The following CNKSR2 variants were observed in gnomAD, a reference collection of about 807,000 sequenced individuals.
CNKSR2 encodes connector enhancer of kinase suppressor of Ras 2, also known as CNK homolog protein 2.
A neutral mutation model predicts 84.4 loss-of-function variants in CNKSR2; 14 were observed. The ratio of observed to expected loss-of-function variants is 0.17; its 90% CI spans 0.11 to 0.26. The LOEUF (loss-of-function observed/expected upper bound fraction) is 0.26. Ranked by LOEUF, CNKSR2 falls within the 10% of genes least tolerant of loss-of-function variation. CNKSR2 has a pLI of 1.00. For synonymous variants in CNKSR2, 275 were observed against 277.9 expected (o/e 0.99, Z 0.10); for missense variants, 485 against 771.2 (o/e 0.63, Z 4.40).
At chrX:21,488,879 A>G (rs2091413795) in intron 5 of CNKSR2, among the ~76,000 whole-genome samples, 1 of 110,815 alleles carries the variant, frequency 9.0e-6, no homozygotes, top group Non-Finnish European at 1.9e-5. Context: ...CCTCCCTCAC[A>G]ATTTGCCCAC....
intron 9 of CNKSR2, 78 bp downstream of exon 9, chrX:21,516,709 C>T (rs2091731081): frequency 2.2e-6 from 2 of 918,560 alleles, no homozygotes; most frequent in South Asian, 2.3e-5. Flanking sequence ...TATTGTGCCT[C>T]ATCTCAGCAG....
chrX:21,577,942 A>G (rs1224206848), intron 13 of CNKSR2, among the ~76,000 whole-genome samples: 1 of 111,457 alleles, frequency 9.0e-6, no homozygotes, highest in Non-Finnish European at 1.9e-5. Flanking sequence ...ATAATTTATT[A>G]CTGTTAGATT....
chrX:21,464,848 T>C (rs1014641579), intron 4 of CNKSR2, among the ~76,000 whole-genome samples: 1 of 112,745 alleles, frequency 8.9e-6, no homozygotes, highest in Non-Finnish European at 1.9e-5. Context: ...TAAATTGTTA[T>C]AGAAAAATTG....
intron 5 of CNKSR2, among the ~76,000 whole-genome samples, chrX:21,489,270 C>T (rs964139033): frequency 9.0e-6 from 1 of 111,233 alleles, no homozygotes; most frequent in Non-Finnish European, 1.9e-5. Context: ...CGGGCGTGTC[C>T]TTAACCTTGG....
At chrX:21,401,778 G>C (rs893950664) in intron 1 of CNKSR2, among the ~76,000 whole-genome samples, 1 of 111,553 alleles carries the variant, frequency 9.0e-6, no homozygotes, top group African/African-American at 3.2e-5. Context: ...CTTTGATCCT[G>C]GGAAACTTCT....
intron 3 of CNKSR2, among the ~76,000 whole-genome samples, chrX:21,439,774 C>T (rs920209634): frequency 1.8e-5 from 2 of 110,370 alleles, no homozygotes; most frequent in Non-Finnish European, 3.8e-5. Flanking sequence ...GTGAATATTA[C>T]CTAGAAACGC....
At chrX:21,586,563 T>C (rs146201850) in intron 13 of CNKSR2, among the ~76,000 whole-genome samples, 319 of 111,448 alleles carry the variant, frequency 2.9e-3, no homozygotes, top group African/African-American at 9.3e-3. Context: ...TTCCAAAGCG[T>C]CTAGAGAAAA....
At chrX:21,596,163 A>G (rs1216096355) in intron 17 of CNKSR2, among the ~76,000 whole-genome samples, 4 of 111,647 alleles carry the variant, frequency 3.6e-5, no homozygotes, top group Non-Finnish European at 7.5e-5. Flanking sequence ...CAGACTCTCT[A>G]AATCCCAGCT....
chrX:21,505,884 A>G (rs2091607632), intron 8 of CNKSR2: 1 of 111,243 alleles, frequency 9.0e-6, no homozygotes, highest in Non-Finnish European at 1.9e-5. Flanking sequence ...TTGATTTGCT[A>G]AATTGTTGTC....
chrX:21,519,301 C>T (rs745482942), intron 9 of CNKSR2, among the ~76,000 whole-genome samples: 1 of 111,128 alleles, frequency 9.0e-6, no homozygotes, highest in South Asian at 3.7e-4. Flanking sequence ...TGGACAAAAT[C>T]TCAAGGTACC....
rs75887856 is a variant in CNKSR2 at position 21,514,897 on chromosome X, T to A, written c.811-1588T>A. ...GGATTTGAACTCCCTTTGCTTTAAC[T>A]CTTGGCTGTAGGGATACTACACAGC... On this transcript the variant is annotated intron_variant, in intron 8 of 21. Transcript: ENST00000379510. Among the ~76,000 whole-genome samples the A allele has an allele frequency of 2.2e-3, 243 of 111,063 alleles. 1 individual carries two copies. Among genetic ancestry groups the A allele is most frequent in the Non-Finnish European group, 3.4e-3 (181 of 52,835 alleles).
intron 8 of CNKSR2, among the ~76,000 whole-genome samples, chrX:21,508,750 A>G (rs1387065248): frequency 1.8e-5 from 2 of 112,046 alleles, no homozygotes; most frequent in Non-Finnish European, 3.8e-5. Context: ...CAAGACACCA[A>G]CTATACAAAG....
intron 1 of CNKSR2, among the ~76,000 whole-genome samples, chrX:21,417,810 T>C (rs1356399678): frequency 9.0e-6 from 1 of 111,551 alleles, no homozygotes; most frequent in Non-Finnish European, 1.9e-5. Flanking sequence ...AAGTTTCTTA[T>C]AGGCAACAAA....
At chrX:21,477,741 T>G (rs2091274808) in intron 5 of CNKSR2, among the ~76,000 whole-genome samples, 1 of 112,035 alleles carries the variant, frequency 8.9e-6, no homozygotes, top group Non-Finnish European at 1.9e-5. Context: ...CCTCTTCTGA[T>G]GGATCAAAAC....
intron 20 of CNKSR2, among the ~76,000 whole-genome samples, chrX:21,626,266 AAT>A (rs1233959869): frequency 1.3e-4 from 14 of 108,617 alleles, no homozygotes; most frequent in African/African-American, 4.4e-4. Flanking sequence ...AAAAAAAAAA[AAT>A]GGCATCAGCA....
chrX:21,577,552 T>A (rs2092326909), intron 13 of CNKSR2, among the ~76,000 whole-genome samples: 1 of 110,788 alleles, frequency 9.0e-6, no homozygotes, highest in South Asian at 3.8e-4. Context: ...CCCCATTCCC[T>A]TTTATGTTGT....
rs1434101714 is a variant in CNKSR2, at chrX:21,652,611, C to T, written c.*90C>T. On this transcript the variant is annotated 3_prime_UTR_variant, in exon 22 of 22. Transcript: ENST00000379510. ...TTATATCAATGTGTGGAACACTTGA[C>T]AAGCTATACTTTAATGTTACCAAAC... 3.1e-6 allele frequency: 2 copies of T among 655,327 alleles called. No individual in the cohort carries two copies. Among genetic ancestry groups the T allele is most frequent in the Admixed American group, 2.7e-5 (1 of 36,651 alleles). 54.0% of individuals were successfully genotyped at this position (655,327 alleles called of 1,213,427 possible).
At chrX:21,620,132 G>A (rs1331301981) in intron 20 of CNKSR2, among the ~76,000 whole-genome samples, 4 of 111,359 alleles carry the variant, frequency 3.6e-5, no homozygotes, top group South Asian at 7.6e-4. Flanking sequence ...AAGTAATTCC[G>A]TAGAAATACT....
chrX:21,425,706 T>C (rs2090556462), intron 1 of CNKSR2: 1 of 111,626 alleles, frequency 9.0e-6, no homozygotes, highest in Non-Finnish European at 1.9e-5. Flanking sequence ...GTTTTATTAG[T>C]CCAGTTCATC....
Sources: gnomAD v4.1 joint callset for allele counts (sites outside exome capture counted in the v4.1 genomes callset) on GRCh38, gnomAD v4.1.1 for gene constraint, MANE v1.5 for transcripts, NCBI Gene and HGNC (gene_info 2026-07-23, HGNC 2026-07-21) for gene names.